Variants in FRMD3 observed in about 807,000 individuals in gnomAD.
The protein encoded by FRMD3 is FERM domain containing 3.
A neutral mutation model predicts 70.2 loss-of-function variants in FRMD3; 33 were observed. The ratio of observed to expected loss-of-function variants is 0.47; its 90% CI spans 0.36 to 0.63. The LOEUF (loss-of-function observed/expected upper bound fraction) is 0.63. Among genes scored for constraint, FRMD3 ranks in the 20% least tolerant of loss-of-function variants. FRMD3 has a pLI of 0.00. For missense variants in FRMD3, 632 were observed against 711.4 expected, an observed-to-expected ratio of 0.89 and a Z score of 1.27; for synonymous variants, 279 against 255.9, an observed-to-expected ratio of 1.09 and a Z score of -0.86.
chr9:83,335,544 T>C lies in FRMD3; in HGVS notation c.568A>G (p.Ile190Val), dbSNP rs1471246286. Residue 190 changes from isoleucine to valine, a missense_variant, in exon 6 of 14, where the codon ATA becomes GTA. By Grantham distance (29) the Ile-to-Val change is conservative. Around this residue, in one of 3 missense-constraint regions of FRMD3, gnomAD observed 208 missense variants for 247.7 expected, o/e 0.84. Coordinates refer to ENST00000304195, the MANE Select transcript of FRMD3 (RefSeq NM_174938.6). ...PKQSQKLERK[I>V]VEIHKNELRG... ...AGTTCATTTTTATGAATTTCCACTA[T>C]TTTTCTTTCCAGCTTCTGTGACTGC... The C allele has an allele frequency of 6.2e-7, 1 of 1,613,050 alleles. No homozygotes were observed. Among genetic ancestry groups the C allele is most frequent in the East Asian group, 2.2e-5 (1 of 44,866 alleles).
chr9:83,389,820 C>G (rs1825616208), intron 1 of FRMD3, 112 bp from the exon 2 acceptor site: 1 of 690,934 alleles, frequency 1.4e-6, no homozygotes, highest in African/African-American at 1.8e-5. Flanking sequence ...AATGTGCTCA[C>G]TCCAGTCCCT....
chr9:83,533,968 T>C (rs572790669), intron 1 of FRMD3, among the ~76,000 whole-genome samples: 19 of 152,094 alleles, frequency 1.2e-4, no homozygotes, highest in Non-Finnish European at 2.8e-4. Context: ...TTAGCAAGGG[T>C]TGTGAATAAC....
chr9:83,272,892 C>T (rs1180114317), intron 13 of FRMD3, among the ~76,000 whole-genome samples: 3 of 146,848 alleles, frequency 2.0e-5, no homozygotes, highest in African/African-American at 7.6e-5. Context: ...AGTGAGGAGC[C>T]CCTCCGCCCG....
intron 1 of FRMD3, among the ~76,000 whole-genome samples, chr9:83,513,401 AC>A (rs2131533714): frequency 6.6e-6 from 1 of 152,318 alleles, no homozygotes; most frequent in South Asian, 2.1e-4. Flanking sequence ...TCACTGGATT[AC>A]CTTTTGTATT....
chr9:83,289,989 CA>C (rs1425754408), intron 13 of FRMD3, among the ~76,000 whole-genome samples: 1 of 152,126 alleles, frequency 6.6e-6, no homozygotes, highest in Non-Finnish European at 1.5e-5. Context: ...GTGGACACTT[CA>C]CTTTTTTTTA....
intron 6 of FRMD3, 35 bp downstream of exon 6, chr9:83,335,481 T>C (rs2131140862): frequency 1.3e-6 from 2 of 1,572,342 alleles, no homozygotes; most frequent in South Asian, 1.1e-5. Flanking sequence ...TTTTCTCCCC[T>C]TTATCATTTT....
intron 1 of FRMD3, among the ~76,000 whole-genome samples, chr9:83,431,212 T>G (rs1161556919): frequency 2.0e-5 from 3 of 152,234 alleles, no homozygotes; most frequent in African/African-American, 7.2e-5. Flanking sequence ...ATGTACGCCT[T>G]CCCTCATCTA....
chr9:83,401,976 C>T (rs61345805), intron 1 of FRMD3, among the ~76,000 whole-genome samples: 15,507 of 151,976 alleles, frequency 0.1, 818 homozygotes, highest in East Asian at 0.14. Flanking sequence ...TTTAAATATG[C>T]ACCTAAAATA....
upstream of FRMD3, among the ~76,000 whole-genome samples, chr9:83,543,298 A>C (rs771199043): frequency 1.5e-4 from 23 of 152,140 alleles, no homozygotes; most frequent in Admixed American, 2.6e-4. Flanking sequence ...TGAATCCTGA[A>C]GGACTTGGGG....
intron 3 of FRMD3, among the ~76,000 whole-genome samples, chr9:83,366,759 T>C (rs1824800398): frequency 6.6e-6 from 1 of 152,244 alleles, no homozygotes; most frequent in Non-Finnish European, 1.5e-5. Flanking sequence ...CATGCTAATA[T>C]AATTTGAGCA....
intron 13 of FRMD3, among the ~76,000 whole-genome samples, chr9:83,273,917 A>G (rs996856944): frequency 6.6e-6 from 1 of 152,134 alleles, no homozygotes; most frequent in Admixed American, 6.5e-5. Context: ...CTGGGCTTCA[A>G]AGTGATCCTC....
chr9:83,479,671 G>GGAAAGAAA (rs1290109477), intron 1 of FRMD3, among the ~76,000 whole-genome samples: 740 of 29,808 alleles, frequency 0.025, 42 homozygotes, highest in East Asian at 0.071. Context: ...AAGGAAGGAA[G>GGAAAGAAA]GAAAGAAAGA....
At chr9:83,261,373 C>T (rs892256245) in intron 13 of FRMD3, among the ~76,000 whole-genome samples, 2 of 152,134 alleles carry the variant, frequency 1.3e-5, no homozygotes, top group Non-Finnish European at 2.9e-5. Flanking sequence ...CATCTTGACA[C>T]CATGGTCAGT....
intron 1 of FRMD3, among the ~76,000 whole-genome samples, chr9:83,531,461 A>G (rs888568346): frequency 4.6e-5 from 7 of 152,228 alleles, no homozygotes; most frequent in African/African-American, 1.4e-4. Flanking sequence ...TACTTAATAT[A>G]AAGAGCTGGC....
At chr9:83,415,442 CTT>C (rs541899087) in intron 1 of FRMD3, among the ~76,000 whole-genome samples, 32 of 124,578 alleles carry the variant, frequency 2.6e-4, no homozygotes, top group Admixed American at 3.3e-4. Flanking sequence ...AAAGGAAATT[CTT>C]TTTTTTTTTT....
the FRMD3 span, among the ~76,000 whole-genome samples, chr9:83,579,263 T>C: frequency 6.0e-5 from 9 of 151,032 alleles, no homozygotes; most frequent in Admixed American, 2.0e-4. Flanking sequence ...TTCAATGTAA[T>C]CTCTATGAAA....
chr9:83,515,806 G>A (rs1829442342), intron 1 of FRMD3, among the ~76,000 whole-genome samples: 2 of 152,250 alleles, frequency 1.3e-5, no homozygotes, highest in Middle Eastern at 3.4e-3. Flanking sequence ...GAGAGTGGGG[G>A]CCAATATTAA....
chr9:83,245,617 A>G lies in FRMD3; in HGVS notation c.*2301T>C. ...GATATTTATACTATCATATTTTTTA[A>G]GTATTTTACAATGGAAAATATATTA... On this transcript the variant is annotated 3_prime_UTR_variant, in exon 14 of 14. Transcript: ENST00000304195. 1.3e-6 allele frequency: 1 copy of G among 799,822 alleles called. No individual in the cohort carries two copies. The allele number at this position is 799,822 out of a possible 1,614,324, so 49.5% of individuals were successfully genotyped here.
chr9:83,256,906 C>T (rs1352147230), intron 13 of FRMD3, among the ~76,000 whole-genome samples: 1 of 152,154 alleles, frequency 6.6e-6, no homozygotes, highest in Non-Finnish European at 1.5e-5. Flanking sequence ...AAAAGGAGCA[C>T]TTTTACACTG....
Sources: gnomAD v4.1 joint callset for allele counts (sites outside exome capture counted in the v4.1 genomes callset) on GRCh38, gnomAD v4.1.1 for gene constraint, gnomAD v4.1.1 regional missense constraint, MANE v1.5 for transcripts, NCBI Gene and HGNC (gene_info 2026-07-23, HGNC 2026-07-21) for gene names.